NEK6: variants seen among roughly 807,000 people sequenced by gnomAD.
The protein encoded by NEK6 is serine/threonine-protein kinase Nek6.
A neutral mutation model predicts 43.5 loss-of-function variants in NEK6; 27 were observed. The ratio of observed to expected loss-of-function variants is 0.62; its 90% CI spans 0.46 to 0.86. NEK6 has a LOEUF of 0.86. Ranked by LOEUF, NEK6 falls within the 40% of genes least tolerant of loss-of-function variation. NEK6 has a pLI of 0.00. For synonymous variants in NEK6, 167 were observed against 164.1 expected (o/e 1.02, Z -0.14); for missense variants, 318 against 414.4 (o/e 0.77, Z 2.02).
At chr9:124,333,371 A>C (rs781503039) in intron 7 of NEK6, among the ~76,000 whole-genome samples, 63 of 152,194 alleles carry the variant, frequency 4.1e-4, no homozygotes, top group Non-Finnish European at 7.9e-4. Context: ...CCTGCCCCCC[A>C]GTGAGACACA....
At chr9:124,257,765 G>A (rs1252722508), upstream of NEK6, 49 of 1,502,100 alleles carry the variant, frequency 3.3e-5, no homozygotes, top group Non-Finnish European at 1.5e-5. Flanking sequence ...ATGGGGAAGG[G>A]GTTCCTCGGC....
At chr9:124,291,826 G>A (rs1166294636) in intron 1 of NEK6, 3 of 985,468 alleles carry the variant, frequency 3.0e-6, no homozygotes, top group Admixed American at 6.1e-5. Flanking sequence ...CGTGGCGGCT[G>A]TGACAAGTTC....
In NEK6 at chr9:124,353,298, C is replaced by T. The variant is rs995499081; in HGVS notation, c.*2351C>T. The T allele has an allele frequency of 2.3e-5, 9 of 398,050 alleles. No individual in the cohort carries two copies. The highest frequency in any genetic ancestry group is 3.6e-5 in the Non-Finnish European group (8 of 221,058). 24.7% of individuals were successfully genotyped at this position (398,050 alleles called of 1,614,324 possible). A position where few individuals can be genotyped will look rare whatever the true frequency, so the allele number is the denominator to read the frequency against. On this transcript the variant is annotated 3_prime_UTR_variant, in exon 10 of 10. Coordinates refer to ENST00000320246, the MANE Select transcript of NEK6 (RefSeq NM_014397.6). Reference sequence around the variant, plus strand: ...GAAGCCTCAAGGGAGTCCACTCTGACTTCTGACAGCAGACAGAACCTATCT... The same window carrying T: ...GAAGCCTCAAGGGAGTCCACTCTGATTTCTGACAGCAGACAGAACCTATCT...
chr9:124,284,374 G>A (rs1832057437), intron 1 of NEK6, among the ~76,000 whole-genome samples: 1 of 152,242 alleles, frequency 6.6e-6, no homozygotes, highest in Admixed American at 6.5e-5. Context: ...ATAAAATACT[G>A]GATGTGGACT....
At position 124,347,586 on chromosome 9, in the gene NEK6, G is replaced by A. The variant is rs887047976; in HGVS notation, c.718-123G>A. The A allele has an allele frequency of 5.2e-6, 3 of 573,826 alleles. No individual in the cohort carries two copies. In the African/African-American group the frequency reaches 5.7e-5, roughly 11 times the overall value. The allele number at this position is 573,826 out of a possible 1,614,324, so 35.5% of individuals were successfully genotyped here. A position where few individuals can be genotyped will look rare whatever the true frequency, so the allele number is the denominator to read the frequency against. ...GGTGATTCGGGGGAGAAGTCCTGCT[G>A]GACTCGCCGCGGTCGGGACCAGAGA... On this transcript the variant is annotated intron_variant, in intron 8 of 9. Transcript: ENST00000320246.
chr9:124,299,397 G>A (rs1402577538), intron 1 of NEK6, among the ~76,000 whole-genome samples: 1 of 152,296 alleles, frequency 6.6e-6, no homozygotes, highest in Middle Eastern at 3.4e-3. Context: ...TCAAATTCAT[G>A]CGCATTTTAC....
rs977465282 is a variant in NEK6 at position 124,352,134 on chromosome 9, G to C, written c.*1187G>C. On this transcript the variant is annotated 3_prime_UTR_variant, in exon 10 of 10. Coordinates refer to ENST00000320246, the MANE Select transcript of NEK6 (RefSeq NM_014397.6). ...TTTGAATTTTGTTTTTGTACGTAAA[G>C]TTAACCTTCCAATTGTCTGAGCTGT... 3 of 152,666 alleles carry C rather than the reference G, an allele frequency of 2.0e-5. No homozygotes were observed. Among genetic ancestry groups the C allele is most frequent in the Admixed American group, 6.5e-5 (1 of 15,292 alleles). 9.5% of individuals were successfully genotyped at this position (152,666 alleles called of 1,614,324 possible).
chr9:124,286,007 C>T (rs1051847623), intron 1 of NEK6, among the ~76,000 whole-genome samples: 7 of 152,238 alleles, frequency 4.6e-5, no homozygotes, highest in Non-Finnish European at 1.0e-4. Flanking sequence ...GCTGTGGTCA[C>T]TCAGCAAGTC....
chr9:124,287,494 T>G (rs1378472490), intron 1 of NEK6, among the ~76,000 whole-genome samples: 1 of 152,208 alleles, frequency 6.6e-6, no homozygotes, highest in Non-Finnish European at 1.5e-5. Flanking sequence ...TGCGGCTCCC[T>G]ATGATAGTGT....
chr9:124,289,187 C>CCACACA (rs60402648), intron 1 of NEK6, among the ~76,000 whole-genome samples: 3 of 46,036 alleles, frequency 6.5e-5, no homozygotes, highest in East Asian at 6.4e-4. Context: ...CCCCCCCCCG[C>CCACACA]CACACACACA....
rs540296300 is a variant in NEK6, at chr9:124,277,539, C to T, written c.-30+19454C>T. Among the ~76,000 whole-genome samples the T allele has an allele frequency of 1.3e-4, 20 of 152,318 alleles. No individual in the cohort carries two copies. The East Asian group carries it at 2.7e-3, about 21-fold the overall frequency. ...GTGTTGGGGCAGCGGAGGGCTCTCC[C>T]CTTGGCACCCTCAGCCTCTCTCGGC... On this transcript the variant is annotated intron_variant, in intron 1 of 9. Coordinates refer to ENST00000320246, the MANE Select transcript of NEK6 (RefSeq NM_014397.6).
At chr9:124,264,814 C>CA (rs372219790) in intron 1 of NEK6, among the ~76,000 whole-genome samples, 12,706 of 88,164 alleles carry the variant, frequency 0.14, 962 homozygotes, top group Non-Finnish European at 0.16. Context: ...GACTCTGTAT[C>CA]AAAAAAAAAA....
chr9:124,282,471 A>G (rs1460589512), intron 1 of NEK6, among the ~76,000 whole-genome samples: 2 of 152,210 alleles, frequency 1.3e-5, no homozygotes, highest in Non-Finnish European at 2.9e-5. Context: ...CAGATAGACA[A>G]GGGTTTGGGG....
intron 1 of NEK6, among the ~76,000 whole-genome samples, chr9:124,300,798 G>C (rs1348107425): frequency 1.4e-4 from 15 of 106,512 alleles, no homozygotes; most frequent in Non-Finnish European, 2.1e-4. Flanking sequence ...CCACCGCAGG[G>C]GAGGGGGCTC....
intron 1 of NEK6, among the ~76,000 whole-genome samples, chr9:124,266,678 G>A (rs1831240239): frequency 6.6e-6 from 1 of 152,242 alleles, no homozygotes; most frequent in South Asian, 2.1e-4. Context: ...GTTCTCCATG[G>A]CCAGCATTGT....
chr9:124,307,345 G>A (rs1184126632), intron 2 of NEK6, among the ~76,000 whole-genome samples: 2 of 152,150 alleles, frequency 1.3e-5, no homozygotes, highest in African/African-American at 2.4e-5. Context: ...GCCTCTTCCT[G>A]AGAATGCCAG....
chr9:124,301,900 A>G (rs546504427), intron 1 of NEK6, 36 bp from the exon 2 acceptor site: 5 of 1,510,942 alleles, frequency 3.3e-6, no homozygotes, highest in Middle Eastern at 1.7e-4. Flanking sequence ...GAGGGTCTCA[A>G]AGAGAAAGTG....
rs140620580 is a variant in NEK6 at position 124,341,941 on chromosome 9, A to G, written c.717+2276A>G. ...ATTTTGCGGAGAAGACGTTAAATCC[A>G]GGTGGGGAAAGCCCCGGGTGTGGAG... On this transcript the variant is annotated intron_variant, in intron 8 of 9. Coordinates refer to ENST00000320246, the MANE Select transcript of NEK6 (RefSeq NM_014397.6). Among the ~76,000 whole-genome samples, 444 of 152,278 alleles carry G rather than the reference A, an allele frequency of 2.9e-3. 1 individual carries two copies. The highest frequency in any genetic ancestry group is 0.01 in the African/African-American group (432 of 41,552).
At chr9:124,258,181 A>G in intron 1 of NEK6, 96 bp downstream of exon 1, 1 of 969,436 alleles carries the variant, frequency 1.0e-6, no homozygotes, top group Non-Finnish European at 1.2e-6. Flanking sequence ...AGCCGGGCCG[A>G]GGGCGGGCGC....
Sources: allele counts gnomAD v4.1 joint callset (sites outside exome capture counted in the v4.1 genomes callset), GRCh38; gene constraint gnomAD v4.1.1; transcripts MANE v1.5; gene names NCBI Gene and HGNC (gene_info 2026-07-23, HGNC 2026-07-21).